The following CDH13 variants were observed in gnomAD, a reference collection of about 807,000 sequenced individuals.
CDH13 encodes cadherin 13, also known as cadherin-13.
A neutral mutation model predicts 63.8 loss-of-function variants in CDH13; 24 were observed. That is an observed-to-expected ratio of 0.38 (90% CI 0.27 to 0.53). The LOEUF (loss-of-function observed/expected upper bound fraction) is 0.53, where lower values mean the gene tolerates loss of function less well. Ranked by LOEUF, CDH13 falls within the 20% of genes least tolerant of loss-of-function variation. The probability of loss-of-function intolerance (pLI) is 0.85; values close to 1 mark genes in which losing one functional copy is unlikely to be tolerated. For synonymous variants in CDH13, 503 were observed against 355.3 expected (o/e 1.42, Z -4.67); for missense variants, 1,049 against 903.1 (o/e 1.16, Z -2.07).
At chr16:83,649,419 C>T (rs1467123260) in intron 8 of CDH13, among the ~76,000 whole-genome samples, 5 of 152,054 alleles carry the variant, frequency 3.3e-5, no homozygotes, top group African/African-American at 1.2e-4. Flanking sequence ...AAATACGGGC[C>T]CCTCTTGTGA....
chr16:83,501,577 A>T (rs924060698), intron 7 of CDH13, among the ~76,000 whole-genome samples: 5 of 152,212 alleles, frequency 3.3e-5, no homozygotes, highest in Admixed American at 1.3e-4. Flanking sequence ...TCATCCAGGC[A>T]TTACATTAGG....
chr16:83,562,372 A>C (rs2075724546), intron 7 of CDH13, among the ~76,000 whole-genome samples: 1 of 152,236 alleles, frequency 6.6e-6, no homozygotes, highest in South Asian at 2.1e-4. Flanking sequence ...AAAAATTAGC[A>C]AACAGCACCA....
At chr16:83,457,318 G>A (rs928541646) in intron 6 of CDH13, among the ~76,000 whole-genome samples, 4 of 152,138 alleles carry the variant, frequency 2.6e-5, no homozygotes, top group African/African-American at 7.2e-5. Context: ...CAGCTTAGTA[G>A]TGTCTGTGTT....
intron 3 of CDH13, among the ~76,000 whole-genome samples, chr16:83,032,634 C>G (rs780754420): frequency 2.0e-5 from 3 of 152,146 alleles, no homozygotes; most frequent in African/African-American, 7.2e-5. Context: ...GAAAGCATCT[C>G]TTCAAGACGA....
chr16:83,378,441 C>G (rs887956191), intron 6 of CDH13, among the ~76,000 whole-genome samples: 1 of 152,122 alleles, frequency 6.6e-6, no homozygotes, highest in Admixed American at 6.5e-5. Context: ...TTATTATGTT[C>G]TAGTTGTCTG....
intron 11 of CDH13, among the ~76,000 whole-genome samples, chr16:83,773,902 C>G (rs1914929080): frequency 6.6e-6 from 1 of 152,138 alleles, no homozygotes; most frequent in African/African-American, 2.4e-5. Flanking sequence ...GGTCCTGCTC[C>G]CAAGCTTCCT....
Position 83,328,810 on chromosome 16 carries a change from C to G in CDH13, c.637-16052C>G, listed in dbSNP as rs1352608717. On this transcript the variant is annotated intron_variant, in intron 5 of 13. Transcript: ENST00000567109. Reference sequence around the variant, plus strand: ...GTAGCTGATGTTGATTCCTCTCTCACAAAGACAGTATCTTAGTTTGAAATG... The same window carrying G: ...GTAGCTGATGTTGATTCCTCTCTCAGAAAGACAGTATCTTAGTTTGAAATG... 2.0e-5 allele frequency among the ~76,000 whole-genome samples: 3 copies of G among 151,956 alleles called. No individual in the cohort carries two copies. In the East Asian group the frequency reaches 5.8e-4, roughly 29 times the overall value.
intron 2 of CDH13, among the ~76,000 whole-genome samples, chr16:83,004,731 G>A (rs1234957894): frequency 2.0e-5 from 3 of 152,138 alleles, no homozygotes; most frequent in African/African-American, 7.2e-5. Flanking sequence ...GACCTCAAGT[G>A]ATCCGCCCAC....
intron 4 of CDH13, among the ~76,000 whole-genome samples, chr16:83,214,881 T>G (rs771572149): frequency 8.6e-5 from 13 of 151,930 alleles, no homozygotes; most frequent in Non-Finnish European, 1.9e-4. Context: ...AACATATAGC[T>G]GTCTAATCCG....
intron 7 of CDH13, among the ~76,000 whole-genome samples, chr16:83,553,394 G>A (rs1453417502): frequency 2.6e-5 from 4 of 152,192 alleles, no homozygotes; most frequent in Non-Finnish European, 5.9e-5. Flanking sequence ...AAAACTCTTA[G>A]TAACTAGTGG....
intron 1 of CDH13, among the ~76,000 whole-genome samples, chr16:82,808,025 C>G (rs996903298): frequency 2.0e-5 from 3 of 152,094 alleles, no homozygotes; most frequent in African/African-American, 4.8e-5. Flanking sequence ...TCTTACTGAG[C>G]TCTAGGCAAG....
intron 10 of CDH13, among the ~76,000 whole-genome samples, chr16:83,693,237 A>AAC (rs2150895086): frequency 6.6e-6 from 1 of 152,316 alleles, no homozygotes; most frequent in East Asian, 1.9e-4. Context: ...CCCCACCTGA[A>AAC]ACATGGGGAG....
intron 2 of CDH13, among the ~76,000 whole-genome samples, chr16:82,925,091 G>A (rs2042263923): frequency 6.6e-6 from 1 of 152,100 alleles, no homozygotes; most frequent in Admixed American, 6.6e-5. Flanking sequence ...GCCATGAAAT[G>A]CCAGACTTCA....
intron 2 of CDH13, among the ~76,000 whole-genome samples, chr16:82,968,310 A>T (rs958331122): frequency 6.6e-6 from 1 of 152,182 alleles, no homozygotes; most frequent in African/African-American, 2.4e-5. Context: ...TTCCACCTTC[A>T]TGTCCTGAAT....
At chr16:83,326,848 T>A (rs1202509389) in intron 5 of CDH13, among the ~76,000 whole-genome samples, 1 of 152,220 alleles carries the variant, frequency 6.6e-6, no homozygotes, top group Non-Finnish European at 1.5e-5. Context: ...GCCCTGTCTG[T>A]ACTCCTAAGC....
chr16:83,352,481 G>T (rs2090973061), intron 6 of CDH13, among the ~76,000 whole-genome samples: 1 of 152,064 alleles, frequency 6.6e-6, no homozygotes, highest in African/African-American at 2.4e-5. Flanking sequence ...TCTACACAAA[G>T]GAAAAGAAGC....
intron 6 of CDH13, among the ~76,000 whole-genome samples, chr16:83,350,554 T>G (rs930886385): frequency 1.4e-4 from 14 of 98,762 alleles, no homozygotes; most frequent in Admixed American, 4.2e-4. Flanking sequence ...CTTAGTCCCT[T>G]TAATTTTTTT....
chr16:83,432,936 T>C (rs1164177330), intron 6 of CDH13, among the ~76,000 whole-genome samples: 1 of 152,250 alleles, frequency 6.6e-6, no homozygotes, highest in East Asian at 1.9e-4. Flanking sequence ...TTAGGGTTGA[T>C]AAGAATTACT....
chr16:83,608,260 C>G (rs960523829), intron 8 of CDH13, among the ~76,000 whole-genome samples: 1 of 152,130 alleles, frequency 6.6e-6, no homozygotes, highest in Non-Finnish European at 1.5e-5. Context: ...ATCCTGTCCT[C>G]CAGCTGGAAA....
Sources: allele counts gnomAD v4.1 joint callset (sites outside exome capture counted in the v4.1 genomes callset), GRCh38; gene constraint gnomAD v4.1.1; transcripts MANE v1.5; gene names NCBI Gene and HGNC (gene_info 2026-07-23, HGNC 2026-07-21).